The following ROBO1 variants were observed in gnomAD, a reference collection of about 807,000 sequenced individuals.
The protein encoded by ROBO1 is roundabout guidance receptor 1, also known as roundabout homolog 1.
In ROBO1, 149 loss-of-function variants were observed where a neutral mutation model predicts 195.9. The ratio of observed to expected loss-of-function variants is 0.76; its 90% confidence interval spans 0.67 to 0.87. The LOEUF (loss-of-function observed/expected upper bound fraction) is 0.87. ROBO1 is among the 40% of genes least tolerant of loss of function. The pLI, the probability that ROBO1 is intolerant of heterozygous loss-of-function variation, is 0.00. For synonymous variants in ROBO1, 816 were observed against 733.2 expected (o/e 1.11, Z -1.82); for missense variants, 1,933 against 2,068.3 (o/e 0.93, Z 1.27).
intron 8 of ROBO1, among the ~76,000 whole-genome samples, chr3:78,692,070 A>C (rs1009874313): frequency 4.6e-5 from 7 of 151,534 alleles, no homozygotes; most frequent in Non-Finnish European, 8.8e-5. Flanking sequence ...GTATATAAGT[A>C]TTCAACTCAG....
intron 3 of ROBO1, among the ~76,000 whole-genome samples, chr3:78,990,885 T>G (rs1450108610): frequency 2.0e-5 from 3 of 152,164 alleles, no homozygotes; most frequent in Non-Finnish European, 4.4e-5. Flanking sequence ...CAAGCAAGCT[T>G]AATAAAATAA....
intron 2 of ROBO1, among the ~76,000 whole-genome samples, chr3:79,249,876 A>G (rs887542763): frequency 1.3e-5 from 2 of 152,204 alleles, no homozygotes; most frequent in Admixed American, 6.6e-5. Flanking sequence ...TAATGAAGCA[A>G]TGACTCATCA....
chr3:78,765,892 T>G (rs1447715131), intron 4 of ROBO1, among the ~76,000 whole-genome samples: 1 of 152,130 alleles, frequency 6.6e-6, no homozygotes, highest in Non-Finnish European at 1.5e-5. Context: ...AGGATCAAGG[T>G]TAAACTTAAT....
chr3:78,639,556 T>C (rs1253428580), intron 22 of ROBO1, among the ~76,000 whole-genome samples, 188 bp downstream of exon 22: 3 of 152,250 alleles, frequency 2.0e-5, no homozygotes, highest in Non-Finnish European at 4.4e-5. Context: ...TTGGTGGACT[T>C]TAGCAAAGTA....
At chr3:78,693,817 T>C (rs1232513013) in intron 8 of ROBO1, among the ~76,000 whole-genome samples, 1 of 152,176 alleles carries the variant, frequency 6.6e-6, no homozygotes, top group South Asian at 2.1e-4. Flanking sequence ...GAAAGGTGTA[T>C]ACTGCCAATA....
chr3:78,717,191 T>C, intron 7 of ROBO1, 84 bp downstream of exon 7: 1 of 1,412,086 alleles, frequency 7.1e-7, no homozygotes, highest in Non-Finnish European at 9.5e-7. Flanking sequence ...TGGACTATTC[T>C]AATGGCCCGG....
intron 2 of ROBO1, among the ~76,000 whole-genome samples, chr3:79,203,930 A>G (rs1229168748): frequency 1.3e-5 from 2 of 152,144 alleles, no homozygotes; most frequent in Non-Finnish European, 2.9e-5. Context: ...TCAGGATGTC[A>G]TCCTAATGTG....
chr3:78,817,461 G>C (rs1028568322), intron 4 of ROBO1, among the ~76,000 whole-genome samples: 2 of 151,928 alleles, frequency 1.3e-5, no homozygotes, highest in Middle Eastern at 3.2e-3. Context: ...TGTGATACTA[G>C]CTTTATTGTG....
chr3:79,003,762 T>C (rs891002985), intron 3 of ROBO1, among the ~76,000 whole-genome samples: 1 of 152,150 alleles, frequency 6.6e-6, no homozygotes, highest in Non-Finnish European at 1.5e-5. Flanking sequence ...TTATAACCTA[T>C]GCTCTACTGA....
At chr3:79,591,322 T>A (rs558400777) in intron 1 of ROBO1, among the ~76,000 whole-genome samples, 46 of 151,974 alleles carry the variant, frequency 3.0e-4, no homozygotes, top group African/African-American at 9.9e-4. Flanking sequence ...TGAGCTGTCC[T>A]TATTGTATGA....
chr3:78,816,151 T>G (rs1164290771), intron 4 of ROBO1, among the ~76,000 whole-genome samples: 1 of 152,132 alleles, frequency 6.6e-6, no homozygotes, highest in Non-Finnish European at 1.5e-5. Context: ...TGATTTTAAG[T>G]TGAAGCCAAT....
chr3:78,711,218 C>A (rs2081678534), intron 8 of ROBO1, among the ~76,000 whole-genome samples: 1 of 151,852 alleles, frequency 6.6e-6, no homozygotes, highest in Non-Finnish European at 1.5e-5. Flanking sequence ...TTAAAACCAC[C>A]AGAAGCTGCT....
At chr3:79,037,850 A>G (rs2078408087) in intron 3 of ROBO1, among the ~76,000 whole-genome samples, 1 of 152,210 alleles carries the variant, frequency 6.6e-6, no homozygotes, top group Admixed American at 6.5e-5. Flanking sequence ...CATTTCTACA[A>G]ATGTGTTCCT....
At chr3:79,613,360 CT>C (rs1179731357) in intron 1 of ROBO1, among the ~76,000 whole-genome samples, 1 of 151,856 alleles carries the variant, frequency 6.6e-6, no homozygotes, top group African/African-American at 2.4e-5. Context: ...AAAGATATAT[CT>C]TTTAAATTCT....
At chr3:79,396,652 G>T (rs1431819343) in intron 2 of ROBO1, among the ~76,000 whole-genome samples, 2 of 152,038 alleles carry the variant, frequency 1.3e-5, no homozygotes, top group Admixed American at 6.6e-5. Flanking sequence ...TGAAGGAAAA[G>T]TAAGGATACA....
intron 10 of ROBO1, among the ~76,000 whole-genome samples, chr3:78,673,792 A>C (rs923631760): frequency 6.6e-6 from 1 of 151,274 alleles, no homozygotes; most frequent in African/African-American, 2.4e-5. Flanking sequence ...TTTTAAGAGA[A>C]AAAGAACAGA....
At chr3:79,656,748 A>C (rs74351243) in intron 1 of ROBO1, among the ~76,000 whole-genome samples, 1 of 151,924 alleles carries the variant, frequency 6.6e-6, no homozygotes, top group Non-Finnish European at 1.5e-5. Flanking sequence ...ATTAAAAAAA[A>C]TAGCTGAGCA....
intron 2 of ROBO1, among the ~76,000 whole-genome samples, chr3:79,363,610 T>C (rs2035853787): frequency 6.6e-6 from 1 of 152,176 alleles, no homozygotes; most frequent in Non-Finnish European, 1.5e-5. Context: ...AAGAAAGATA[T>C]CAGTTTCACT....
chr3:78,938,779 T>C lies in ROBO1; in HGVS notation c.321A>G (p.Arg107=). 1 of 1,613,930 alleles carries C rather than the reference T, an allele frequency of 6.2e-7. No individual in the cohort carries two copies. The highest frequency in any genetic ancestry group is 1.1e-5 in the South Asian group (1 of 91,078). The change falls in exon 4 of 31, where the codon AGA becomes AGG. Residue 107 remains arginine, a synonymous_variant. Transcript: ENST00000464233. ...PTIEWYKGGE[R]VETDKDDPRS... Reference sequence around the variant, plus strand: ...GAGGGTCATCTTTGTCTGTCTCCACTCTCTCTCCCCCTTTGTACCATTCAA... The same window carrying C: ...GAGGGTCATCTTTGTCTGTCTCCACCCTCTCTCCCCCTTTGTACCATTCAA...
Sources: allele counts gnomAD v4.1 joint callset (sites outside exome capture counted in the v4.1 genomes callset), GRCh38; gene constraint gnomAD v4.1.1; transcripts MANE v1.5; gene names NCBI Gene and HGNC (gene_info 2026-07-23, HGNC 2026-07-21).